MBD5: variants seen among roughly 807,000 people sequenced by gnomAD.
The protein encoded by MBD5 is methyl-CpG-binding domain protein 5.
Under a neutral mutation model 117.3 loss-of-function variants are expected in MBD5, and 13 were observed. The observed-to-expected ratio is 0.11, with a 90% CI of 0.07 to 0.18. MBD5 has a LOEUF of 0.18. Ranked by LOEUF, MBD5 falls within the 10% of genes least tolerant of loss-of-function variation. The pLI is 1.00. For missense variants in MBD5, 1,879 were observed against 2,093.8 expected, an observed-to-expected ratio of 0.90 and a Z score of 2.00; for synonymous variants, 727 against 766.4, an observed-to-expected ratio of 0.95 and a Z score of 0.85.
intron 3 of MBD5, among the ~76,000 whole-genome samples, chr2:148,241,690 GCTTAAGTTCTA>G (rs1700219955): frequency 6.6e-6 from 1 of 151,992 alleles, no homozygotes; most frequent in South Asian, 2.1e-4. Context: ...GTGGCTTTCT[GCTTAAGTTCTA>G]CTTGCTCATA....
At chr2:148,496,806 G>A (rs928213703) in intron 11 of MBD5, among the ~76,000 whole-genome samples, 5 of 152,124 alleles carry the variant, frequency 3.3e-5, no homozygotes, top group Non-Finnish European at 5.9e-5. Flanking sequence ...CCACTAAATT[G>A]TGATAAAGAG....
intron 1 of MBD5, among the ~76,000 whole-genome samples, chr2:148,160,509 C>T (rs971700827): frequency 1.3e-5 from 2 of 152,116 alleles, no homozygotes; most frequent in African/African-American, 4.8e-5. Flanking sequence ...CCATTATGTG[C>T]TATAAAGAAC....
intron 1 of MBD5, among the ~76,000 whole-genome samples, chr2:148,145,431 A>G (rs1001741862): frequency 1.1e-4 from 17 of 152,098 alleles, no homozygotes; most frequent in African/African-American, 2.9e-4. Context: ...CTAATTGAAT[A>G]CCCTTTATTT....
At chr2:148,281,810 C>T (rs4972277) in intron 3 of MBD5, among the ~76,000 whole-genome samples, 42,235 of 151,920 alleles carry the variant, frequency 0.28, 6,544 homozygotes, top group Admixed American at 0.37. Context: ...GGTTTATCCC[C>T]AAAAGCTTTT....
At chr2:148,231,758 A>G (rs1462458972) in intron 2 of MBD5, among the ~76,000 whole-genome samples, 1 of 152,162 alleles carries the variant, frequency 6.6e-6, no homozygotes, top group African/African-American at 2.4e-5. Flanking sequence ...AGGGTAGGAG[A>G]TGTTGCATAA....
chr2:148,135,416 G>A (rs1183044474), intron 1 of MBD5, among the ~76,000 whole-genome samples: 1 of 151,798 alleles, frequency 6.6e-6, no homozygotes, highest in African/African-American at 2.4e-5. Flanking sequence ...AGTTATTGTG[G>A]GCTCAAAGAC....
intron 3 of MBD5, among the ~76,000 whole-genome samples, chr2:148,298,016 C>G (rs1192285376): frequency 6.6e-6 from 1 of 152,206 alleles, no homozygotes; most frequent in Non-Finnish European, 1.5e-5. Context: ...AGTGGCAAAC[C>G]TGTTTTATGA....
chr2:148,486,407 T>C (rs55649894), intron 10 of MBD5, among the ~76,000 whole-genome samples: 5,991 of 152,124 alleles, frequency 0.039, 386 homozygotes, highest in African/African-American at 0.14. Flanking sequence ...AGGGAGAAAA[T>C]ATGGGCTTTT....
At chr2:148,474,140 C>T (rs1477103641) in intron 8 of MBD5, among the ~76,000 whole-genome samples, 2 of 152,160 alleles carry the variant, frequency 1.3e-5, no homozygotes, top group Non-Finnish European at 2.9e-5. Context: ...AGATGCATTT[C>T]AGCATGTGAG....
At chr2:148,348,599 T>C (rs1703178779) in intron 4 of MBD5, among the ~76,000 whole-genome samples, 2 of 152,164 alleles carry the variant, frequency 1.3e-5, no homozygotes, top group South Asian at 4.1e-4. Flanking sequence ...CTTGCAAATC[T>C]AAACATACTA....
intron 1 of MBD5, among the ~76,000 whole-genome samples, chr2:148,088,374 A>G (rs1279341856): frequency 6.6e-6 from 1 of 152,184 alleles, no homozygotes; most frequent in Non-Finnish European, 1.5e-5. Context: ...TGGGAAATTC[A>G]TCTCAAAAGG....
intron 2 of MBD5, among the ~76,000 whole-genome samples, chr2:148,228,942 G>T (rs1425883806): frequency 5.3e-5 from 8 of 152,120 alleles, no homozygotes; most frequent in Non-Finnish European, 1.2e-4. Flanking sequence ...ATTTCTGTGG[G>T]ATCGCTGGTG....
At chr2:148,076,105 C>A (rs1328823943) in intron 1 of MBD5, among the ~76,000 whole-genome samples, 2 of 152,096 alleles carry the variant, frequency 1.3e-5, no homozygotes, top group Non-Finnish European at 2.9e-5. Context: ...GAAAACATAT[C>A]ACAAAAATTA....
intron 4 of MBD5, among the ~76,000 whole-genome samples, chr2:148,384,238 A>G (rs1220139115): frequency 3.9e-5 from 6 of 152,210 alleles, no homozygotes; most frequent in African/African-American, 1.4e-4. Flanking sequence ...AAATCTCCTT[A>G]AGCTGATAAG....
chr2:148,223,821 T>C (rs1279554173), intron 2 of MBD5, among the ~76,000 whole-genome samples: 1 of 152,168 alleles, frequency 6.6e-6, no homozygotes, highest in African/African-American at 2.4e-5. Context: ...TTAGGTTGTC[T>C]ATTTGAAGTT....
At position 148,294,501 on chromosome 2, in the gene MBD5, G is replaced by GTTTTTTTTTTTTTGTTTT. The variant is rs761709621; in HGVS notation, c.-679-47700_-679-47699insGTTTTTTTTTTTTTTTTT. ...GGCCTCCCAAAGTGCTGGGATTACA[G>GTTTTTTTTTTTTTGTTTT]TTTTTTTTTTTTTTTTTTTTGAGAT... On this transcript the variant is annotated intron_variant, in intron 3 of 13. Coordinates refer to ENST00000642680, the MANE Select transcript of MBD5 (RefSeq NM_001378120.1). Among the ~76,000 whole-genome samples, 50 of 113,238 alleles carry GTTTTTTTTTTTTTGTTTT rather than the reference G, an allele frequency of 4.4e-4. 1 individual carries two copies. Among genetic ancestry groups the GTTTTTTTTTTTTTGTTTT allele is most frequent in the Middle Eastern group, 4.6e-3 (1 of 218 alleles). 74.3% of individuals were successfully genotyped at this position (113,238 alleles called of 152,430 possible). A position where few individuals can be genotyped will look rare whatever the true frequency, so the allele number is the denominator to read the frequency against.
chr2:148,437,888 A>C (rs1490937959), intron 4 of MBD5, among the ~76,000 whole-genome samples: 1 of 152,208 alleles, frequency 6.6e-6, no homozygotes, highest in Non-Finnish European at 1.5e-5. Context: ...CAAAAGCCTT[A>C]ATAGGTCACC....
chr2:148,347,868 G>C (rs1032877385), intron 4 of MBD5, among the ~76,000 whole-genome samples: 6 of 151,778 alleles, frequency 4.0e-5, no homozygotes, highest in African/African-American at 1.5e-4. Context: ...CCATAAAAAT[G>C]ATAATGCAGC....
At chr2:148,396,096 T>A (rs1213236548) in intron 4 of MBD5, among the ~76,000 whole-genome samples, 2 of 152,206 alleles carry the variant, frequency 1.3e-5, no homozygotes, top group African/African-American at 4.8e-5. Context: ...CACATTCTCA[T>A]CTCTCATTAA....
Sources: allele counts gnomAD v4.1 joint callset (sites outside exome capture counted in the v4.1 genomes callset), GRCh38; gene constraint gnomAD v4.1.1; transcripts MANE v1.5; gene names NCBI Gene and HGNC (gene_info 2026-07-23, HGNC 2026-07-21).